MEGF8: variants seen among roughly 807,000 people sequenced by gnomAD.
The protein encoded by MEGF8 is multiple epidermal growth factor-like domains protein 8.
In MEGF8, 156 loss-of-function variants were observed where a neutral mutation model predicts 302.9. The ratio of observed to expected loss-of-function variants is 0.52; its 90% CI spans 0.45 to 0.59. The LOEUF is 0.59. Ranked by LOEUF, MEGF8 falls within the 20% of genes least tolerant of loss-of-function variation. The probability of loss-of-function intolerance (pLI) is 0.00; values close to 1 mark genes in which losing one functional copy is unlikely to be tolerated. For synonymous variants in MEGF8, 1,621 were observed against 1,660.5 expected, an observed-to-expected ratio of 0.98 and a Z score of 0.58; for missense variants, 3,345 against 3,964.5, an observed-to-expected ratio of 0.84 and a Z score of 4.20.
At position 42,370,776 on chromosome 19, in the gene MEGF8, G is replaced by T; in HGVS notation, c.7081G>T (p.Glu2361Ter). Reference sequence around the variant, plus strand: ...GAACTGCCAGAATAACAGCTATGGGGAGAAATGCGAGAGCTGCCTGCAGGG... The same window carrying T: ...GAACTGCCAGAATAACAGCTATGGGTAGAAATGCGAGAGCTGCCTGCAGGG... ...CVNCQNNSYG[E>*]KCESCLQGYF... The change falls in exon 40 of 42, where the codon GAG (glutamate) becomes TAG (stop). Residue 2361 changes from glutamate to a stop codon, truncating the protein, a stop_gained. Transcript: ENST00000251268. LOFTEE classifies it high-confidence loss of function. The T allele has an allele frequency of 6.5e-7, 1 of 1,548,124 alleles. No individual in the cohort carries two copies. Among genetic ancestry groups the T allele is most frequent in the East Asian group, 2.4e-5 (1 of 41,870 alleles).
Position 42,349,573 on chromosome 19 carries a change from C to T in MEGF8, c.2373C>T (p.Leu791=), listed in dbSNP as rs767051188. ...RRLQRPGSAR[L]FPLPGRDHKY... ...TGCAGCGCCCTGGGTCTGCTCGCCT[C>T]TTCCCTCTGCCTGGGCGGGACCACA... Residue 791 remains leucine, a synonymous_variant, in exon 14 of 42, where the codon CTC becomes CTT. Coordinates refer to ENST00000251268, the MANE Select transcript of MEGF8 (RefSeq NM_001271938.2). The T allele has an allele frequency of 3.1e-6, 5 of 1,611,868 alleles. No individual in the cohort carries two copies. The highest frequency in any genetic ancestry group is 1.3e-5 in the African/African-American group (1 of 74,922).
Position 42,353,477 on chromosome 19 carries a change from G to A in MEGF8, c.3563G>A (p.Gly1188Glu). 6.2e-7 allele frequency: 1 copy of A among 1,610,594 alleles called. No homozygotes were observed. The highest frequency in any genetic ancestry group is 8.5e-7 in the Non-Finnish European group (1 of 1,179,408). ...FCDECQDWTW[G>E]EHCERCRPGS... Reference sequence around the variant, plus strand: ...GGGGCCTCCACAGACTGGACATGGGGGGAGCACTGCGAACGATGCCGGCCC... The same window carrying A: ...GGGGCCTCCACAGACTGGACATGGGAGGAGCACTGCGAACGATGCCGGCCC... The change falls in exon 21 of 42, where the codon GGG (glycine) becomes GAG (glutamate). Residue 1188 changes from glycine (G) to glutamate (E), a missense_variant. Transcript: ENST00000251268. The surrounding 1 kb of genome is among the most constrained non-coding windows in gnomAD (Gnocchi z 6.1).
In MEGF8 at chr19:42,326,345, G is replaced by A; in HGVS notation, c.102G>A (p.Arg34=). The A allele has an allele frequency of 6.3e-7, 1 of 1,583,838 alleles. No individual in the cohort carries two copies. Among genetic ancestry groups the A allele is most frequent in the South Asian group, 1.1e-5 (1 of 87,384 alleles). ...GARAGDCKGQ[R]QVLREAPGFV... The stretch of plus-strand genomic sequence containing the variant: ...GGGCGGGGGACTGCAAGGGGCAGCG[G>A]CAGGTGCTGCGGGAGGCGCCAGGCT... Residue 34 remains arginine, a synonymous_variant, in exon 1 of 42, where the codon CGG becomes CGA. Transcript: ENST00000251268.
rs938270668 is a variant in MEGF8, at chr19:42,376,843, C to T, written c.*68C>T. The T allele has an allele frequency of 2.8e-6, 4 of 1,403,784 alleles. No individual in the cohort carries two copies. The South Asian group carries it at 6.3e-5, about 22-fold the overall frequency. The allele number at this position is 1,403,784 out of a possible 1,614,324, so 87.0% of individuals were successfully genotyped here. The stretch of plus-strand genomic sequence containing the variant: ...GGGCCGCCCTGGACTTGGGGTCCCT[C>T]CACCTGGGGGCCCCTGGACACTGTC... On this transcript the variant is annotated 3_prime_UTR_variant, in exon 42 of 42. Transcript: ENST00000251268. This position sits in a 1 kb window ranked among gnomAD's most constrained non-coding sequence, Gnocchi z 8.2.
At chr19:42,345,592 C>T (rs1394839147) in intron 12 of MEGF8, among the ~76,000 whole-genome samples, 1 of 152,202 alleles carries the variant, frequency 6.6e-6, no homozygotes, top group Non-Finnish European at 1.5e-5. Context: ...TTTCAAGGCT[C>T]ATTCATTTTA....
At position 42,377,758 on chromosome 19, in the gene MEGF8, AC is replaced by A. The variant is rs1459629973; in HGVS notation, c.*985del. ...GCTCAGATTGCGTCACTGCACTCCA[AC>A]CTGGGTGACAGAGCGAGACTCCACC... is the stretch of plus-strand genomic sequence containing the variant. On this transcript the variant is annotated 3_prime_UTR_variant, in exon 42 of 42. Transcript: ENST00000251268. The A allele has an allele frequency of 6.6e-5, 10 of 151,634 alleles. No homozygotes were observed. The highest frequency in any genetic ancestry group is 6.6e-4 in the Admixed American group (10 of 15,170). The allele number at this position is 151,634 out of a possible 1,614,324, so 9.4% of individuals were successfully genotyped here. A position where few individuals can be genotyped will look rare whatever the true frequency, so the allele number is the denominator to read the frequency against.
chr19:42,338,635 G>A (rs1212745315), intron 8 of MEGF8, among the ~76,000 whole-genome samples: 1 of 151,954 alleles, frequency 6.6e-6, no homozygotes, highest in Non-Finnish European at 1.5e-5. Flanking sequence ...CTGTACACTC[G>A]ATGTTTTGTT....
At chr19:42,348,844 C>CACCT (rs1365347930) in intron 13 of MEGF8, among the ~76,000 whole-genome samples, 1 of 152,184 alleles carries the variant, frequency 6.6e-6, no homozygotes, top group Non-Finnish European at 1.5e-5. Flanking sequence ...TCAGATGATC[C>CACCT]GCCACCTTGG....
chr19:42,351,825 C>G lies in MEGF8; in HGVS notation c.3101+64C>G, dbSNP rs2039378811. On this transcript the variant is annotated intron_variant, in intron 18 of 41. Coordinates refer to ENST00000251268, the MANE Select transcript of MEGF8 (RefSeq NM_001271938.2). This position sits in a 1 kb window ranked among gnomAD's most constrained non-coding sequence, Gnocchi z 5.6. ...TGTCCTTCCTCCATGACCGGTCATT[C>G]TAATGGCCTCTTTGCTTCTCTGCCC... 5.2e-6 allele frequency: 7 copies of G among 1,340,454 alleles called. No homozygotes were observed. Among genetic ancestry groups the G allele is most frequent in the Non-Finnish European group, 7.3e-6 (7 of 958,186 alleles). 83.0% of individuals were successfully genotyped at this position (1,340,454 alleles called of 1,614,324 possible). A position where few individuals can be genotyped will look rare whatever the true frequency, so the allele number is the denominator to read the frequency against.
At chr19:42,340,295 TCTTGG>T in intron 8 of MEGF8, among the ~76,000 whole-genome samples, 1 of 152,168 alleles carries the variant, frequency 6.6e-6, no homozygotes, top group Admixed American at 6.5e-5. Flanking sequence ...AGTGGTGTGA[TCTTGG>T]CTCACTCCAA....
chr19:42,345,540 A>G (rs1030467946), intron 12 of MEGF8, among the ~76,000 whole-genome samples: 4 of 152,172 alleles, frequency 2.6e-5, no homozygotes, highest in African/African-American at 7.2e-5. Flanking sequence ...GGCCTGTACT[A>G]TGTGGCCTTT....
In MEGF8 at chr19:42,375,849, C is replaced by A. The variant is rs759761956; in HGVS notation, c.7612C>A (p.Pro2538Thr). 16 of 1,609,516 alleles carry A rather than the reference C, an allele frequency of 9.9e-6. No individual in the cohort carries two copies. The highest frequency in any genetic ancestry group is 1.3e-5 in the Non-Finnish European group (15 of 1,178,474). Residue 2538 changes from proline to threonine, a missense_variant, in exon 42 of 42, where the codon CCT becomes ACT. By Grantham distance (38) the Pro-to-Thr change is conservative. Coordinates refer to ENST00000251268, the MANE Select transcript of MEGF8 (RefSeq NM_001271938.2). The surrounding 1 kb of genome is among the most constrained non-coding windows in gnomAD (Gnocchi z 7.1). ...CCCAGCCCCACCACCTCCACCACCC[C>A]CTGCAGATGGTGGGCCCCGGGGGGC... Reference protein sequence around the residue: ...PPPAPPPPPPPADGGPRGAGD... With the variant: ...PPPAPPPPPPTADGGPRGAGD...
In MEGF8 at chr19:42,375,364, A is replaced by T; in HGVS notation, c.7270-143A>T. The stretch of plus-strand genomic sequence containing the variant: ...TGGCAGAGAAGGTCCGGGGGGTCAC[A>T]GGGAAGTGACTGGGGCAGTGGGGGT... On this transcript the variant is annotated intron_variant, in intron 41 of 41. Coordinates refer to ENST00000251268, the MANE Select transcript of MEGF8 (RefSeq NM_001271938.2). This position sits in a 1 kb window ranked among gnomAD's most constrained non-coding sequence, Gnocchi z 7.1. 1.2e-6 allele frequency: 1 copy of T among 867,248 alleles called. No individual in the cohort carries two copies. Among genetic ancestry groups the T allele is most frequent in the Non-Finnish European group, 1.7e-6 (1 of 580,558 alleles). The allele number at this position is 867,248 out of a possible 1,614,324, so 53.7% of individuals were successfully genotyped here. A position where few individuals can be genotyped will look rare whatever the true frequency, so the allele number is the denominator to read the frequency against.
At chr19:42,366,605 G>C (rs1229079367) in intron 35 of MEGF8, among the ~76,000 whole-genome samples, 1 of 152,152 alleles carries the variant, frequency 6.6e-6, no homozygotes, top group Non-Finnish European at 1.5e-5. Context: ...CCTCTCTTCA[G>C]CGAATTTATC....
rs763550830 is a variant in MEGF8 at position 42,368,334 on chromosome 19, G to C, written c.6274-121G>C. 5 of 851,648 alleles carry C rather than the reference G, an allele frequency of 5.9e-6. No individual in the cohort carries two copies. Among genetic ancestry groups the C allele is most frequent in the Non-Finnish European group, 9.0e-6 (5 of 556,480 alleles). 52.8% of individuals were successfully genotyped at this position (851,648 alleles called of 1,614,324 possible). A position where few individuals can be genotyped will look rare whatever the true frequency, so the allele number is the denominator to read the frequency against. On this transcript the variant is annotated intron_variant, in intron 35 of 41. Coordinates refer to ENST00000251268, the MANE Select transcript of MEGF8 (RefSeq NM_001271938.2). This position sits in a 1 kb window ranked among gnomAD's most constrained non-coding sequence, Gnocchi z 4.9. ...TAGTGTCCACTTTGCTCTACCTGTGGCCAGGGAGGGGTGAGACCTCAAAGA... is the reference window on the plus strand; with the variant it reads ...TAGTGTCCACTTTGCTCTACCTGTGCCCAGGGAGGGGTGAGACCTCAAAGA...
In MEGF8 at chr19:42,351,535, G is replaced by A. The variant is rs764510742; in HGVS notation, c.2962G>A (p.Gly988Arg). The change falls in exon 17 of 42, where the codon GGG (glycine) becomes AGG (arginine). Residue 988 changes from glycine (G) to arginine (R), a missense_variant. Coordinates refer to ENST00000251268, the MANE Select transcript of MEGF8 (RefSeq NM_001271938.2). This position sits in a 1 kb window ranked among gnomAD's most constrained non-coding sequence, Gnocchi z 5.6. Reference protein sequence around the residue: ...FAAYLARYPHGGCRGWDDSVH... With the variant: ...FAAYLARYPHRGCRGWDDSVH... Reference sequence around the variant, plus strand: ...TGCCTACTTGGCCCGGTACCCACACGGGGGCTGTCGAGGCTGGGACGACAG... The same window carrying A: ...TGCCTACTTGGCCCGGTACCCACACAGGGGCTGTCGAGGCTGGGACGACAG... The A allele has an allele frequency of 6.8e-6, 11 of 1,609,264 alleles. No homozygotes were observed. Among genetic ancestry groups the A allele is most frequent in the Admixed American group, 1.7e-5 (1 of 59,348 alleles).
At chr19:42,327,311 ACTTAG>A (rs2038997677) in intron 1 of MEGF8, among the ~76,000 whole-genome samples, 1 of 152,220 alleles carries the variant, frequency 6.6e-6, no homozygotes, top group Non-Finnish European at 1.5e-5. Context: ...ATCCCTGGTG[ACTTAG>A]GTCTTGGAGT....
chr19:42,339,035 T>C (rs2039176082), intron 8 of MEGF8, among the ~76,000 whole-genome samples: 1 of 151,880 alleles, frequency 6.6e-6, no homozygotes, highest in Non-Finnish European at 1.5e-5. Flanking sequence ...GGTTTCACCA[T>C]GTTGGCTAGG....
Position 42,376,150 on chromosome 19 carries a change from T to C in MEGF8, c.7913T>C (p.Phe2638Ser). 2.5e-6 allele frequency: 4 copies of C among 1,610,428 alleles called. No homozygotes were observed. The highest frequency in any genetic ancestry group is 3.4e-6 in the Non-Finnish European group (4 of 1,179,722). Reference protein sequence around the residue: ...NGSADSQGLLFFRQDQAHIDL... With the variant: ...NGSADSQGLLSFRQDQAHIDL... ...TCAGCCGACTCGCAGGGCCTGCTCT[T>C]CTTCCGGCAGGACCAGGCCCACATT... Residue 2638 changes from phenylalanine to serine, a missense_variant, in exon 42 of 42, where the codon TTC (phenylalanine) becomes TCC (serine). By Grantham distance (155) the Phe-to-Ser change is radical. Transcript: ENST00000251268. This position sits in a 1 kb window ranked among gnomAD's most constrained non-coding sequence, Gnocchi z 8.2.
Sources: gnomAD v4.1 joint callset for allele counts (sites outside exome capture counted in the v4.1 genomes callset) on GRCh38, gnomAD v4.1.1 for gene constraint, Gnocchi (gnomAD v3.1) non-coding constraint, MANE v1.5 for transcripts, NCBI Gene and HGNC (gene_info 2026-07-23, HGNC 2026-07-21) for gene names.